Variants in PNISR observed in about 807,000 individuals in gnomAD.
PNISR encodes arginine/serine-rich protein PNISR.
Under a neutral mutation model 93.4 loss-of-function variants are expected in PNISR, and 20 were observed. The observed-to-expected ratio is 0.21, with a 90% confidence interval of 0.15 to 0.31. The LOEUF is 0.31. PNISR is among the 10% of genes least tolerant of loss of function. PNISR has a pLI of 1.00. For synonymous variants in PNISR, 305 were observed against 306.5 expected (o/e 0.99, Z 0.05); for missense variants, 893 against 985.4 (o/e 0.91, Z 1.25).
intron 9 of PNISR, 72 bp from the exon 10 acceptor site, chr6:99,403,954 G>A: frequency 9.4e-7 from 1 of 1,063,784 alleles, no homozygotes; most frequent in East Asian, 2.4e-5. Context: ...ATGAGTCTAT[G>A]GTATTGTTAA....
intron 9 of PNISR, 76 bp downstream of exon 9, chr6:99,404,524 GGAC>G (rs1562232579): frequency 3.8e-6 from 3 of 779,280 alleles, no homozygotes. Flanking sequence ...AATCCAACAA[GGAC>G]AACAAAAAAA....
Position 99,412,604 on chromosome 6 carries a change from T to A in PNISR, c.224A>T (p.Asn75Ile), listed in dbSNP as rs1434407284. ...QDMSTMESGP[N>I]NHGNFQGDSN... ...ATCCCCTTGGAAATTCCCATGATTG[T>A]TTGGACCAGATTCCATTGTAGACAT... Residue 75 changes from asparagine (N) to isoleucine (I), a missense_variant, in exon 4 of 12, where the codon AAC becomes ATC. Asn to Ile is a moderately radical substitution (Grantham distance 149, BLOSUM62 -3). This residue lies in a region of PNISR where 866 missense variants were observed against 935.1 expected (regional missense o/e 0.93). Transcript: ENST00000369239. 3.7e-6 allele frequency: 6 copies of A among 1,609,922 alleles called. No individual in the cohort carries two copies. Among genetic ancestry groups the A allele is most frequent in the South Asian group, 1.1e-5 (1 of 89,786 alleles).
chr6:99,402,465 A>T (rs990664466), intron 11 of PNISR, 75 bp downstream of exon 11: 8 of 1,031,312 alleles, frequency 7.8e-6, no homozygotes, highest in Non-Finnish European at 1.1e-5. Flanking sequence ...TTATCCTTTG[A>T]TATTTTTAGG....
At position 99,400,697 on chromosome 6, in the gene PNISR, G is replaced by C; in HGVS notation, c.2261C>G (p.Ser754Cys). The C allele has an allele frequency of 6.2e-7, 1 of 1,613,298 alleles. No individual in the cohort carries two copies. The highest frequency in any genetic ancestry group is 8.5e-7 in the Non-Finnish European group (1 of 1,179,826). Residue 754 changes from serine to cysteine, a missense_variant, in exon 12 of 12, where the codon TCT becomes TGT. Around this residue, in one of 3 missense-constraint regions of PNISR, gnomAD observed 866 missense variants for 935.1 expected, o/e 0.93. Coordinates refer to ENST00000369239, the MANE Select transcript of PNISR (RefSeq NM_032870.4). The stretch of plus-strand genomic sequence containing the variant: ...AGAACTGCTCCTTCCACTAGAATCA[G>C]AGCCTGAATGTTTTTTACTATCTTT... ...TTKDSKKHSGSDSSGRSSSES... is the reference protein window; with the variant it reads ...TTKDSKKHSGCDSSGRSSSES...
Position 99,398,420 on chromosome 6 carries a change from CAT to C in PNISR, c.*2118_*2119del, listed in dbSNP as rs1426605903. Reference sequence around the variant, plus strand: ...CTCAAGGTAAATAAATACTATATCACATGTCAAGAAAATAAAGAATTCTCTAA... The same window carrying C: ...CTCAAGGTAAATAAATACTATATCACGTCAAGAAAATAAAGAATTCTCTAA... On this transcript the variant is annotated 3_prime_UTR_variant, in exon 12 of 12. Coordinates refer to ENST00000369239, the MANE Select transcript of PNISR (RefSeq NM_032870.4). 2.6e-5 allele frequency: 4 copies of C among 152,234 alleles called. No individual in the cohort carries two copies. The highest frequency in any genetic ancestry group is 4.1e-4 in the South Asian group (2 of 4,828). 9.4% of individuals were successfully genotyped at this position (152,234 alleles called of 1,614,324 possible). A position where few individuals can be genotyped will look rare whatever the true frequency, so the allele number is the denominator to read the frequency against.
chr6:99,400,839 G>A lies in PNISR; in HGVS notation c.2119C>T (p.Gln707Ter). ...REEKDFKFSS[Q>*]DDRLKRKRES... ...CGTTTCCTTTTTAATCTATCATCCTGACTACTGAACTTAAAATCTTTTTCT... is the reference window on the plus strand; with the variant it reads ...CGTTTCCTTTTTAATCTATCATCCTAACTACTGAACTTAAAATCTTTTTCT... Residue 707 changes from glutamine (Q) to a stop codon, truncating the protein, a stop_gained, in exon 12 of 12, where the codon CAG (glutamine) becomes TAG (stop). Transcript: ENST00000369239. LOFTEE classifies it high-confidence loss of function. 6.2e-7 allele frequency: 1 copy of A among 1,609,604 alleles called. No homozygotes were observed. The highest frequency in any genetic ancestry group is 8.5e-7 in the Non-Finnish European group (1 of 1,176,906).
intron 7 of PNISR, among the ~76,000 whole-genome samples, chr6:99,406,866 G>A (rs1254532428): frequency 6.6e-6 from 1 of 151,990 alleles, no homozygotes; most frequent in Non-Finnish European, 1.5e-5. Flanking sequence ...AAGACAAGAT[G>A]ACCACCTAAA....
chr6:99,408,190 T>C lies in PNISR; in HGVS notation c.755A>G (p.Glu252Gly). Residue 252 changes from glutamate (E) to glycine (G), a missense_variant, in exon 7 of 12, where the codon GAG becomes GGG. Transcript: ENST00000369239. ...KMEREKQKKLEKERMEQQRSQ... is the reference protein window; with the variant it reads ...KMEREKQKKLGKERMEQQRSQ... Reference sequence around the variant, plus strand: ...ACGTTGTTGTTCCATTCTTTCTTTCTCCAATTTCTTCTGCTTTTCACGTTC... The same window carrying C: ...ACGTTGTTGTTCCATTCTTTCTTTCCCCAATTTCTTCTGCTTTTCACGTTC... 1.2e-6 allele frequency: 2 copies of C among 1,613,526 alleles called. No individual in the cohort carries two copies. Among genetic ancestry groups the C allele is most frequent in the Admixed American group, 1.7e-5 (1 of 59,996 alleles).
chr6:99,406,713 G>C (rs1776196382), intron 7 of PNISR, among the ~76,000 whole-genome samples: 1 of 152,154 alleles, frequency 6.6e-6, no homozygotes, highest in Non-Finnish European at 1.5e-5. Flanking sequence ...AGATAAAAAT[G>C]AGGTCTACTT....
At chr6:99,401,988 C>T (rs1045372189) in intron 11 of PNISR, among the ~76,000 whole-genome samples, 6 of 152,106 alleles carry the variant, frequency 3.9e-5, no homozygotes, top group South Asian at 2.1e-4. Context: ...CCCTCCTGGA[C>T]AGTGTAGCAA....
Position 99,408,348 on chromosome 6 carries a change from T to C in PNISR, c.674-77A>G, listed in dbSNP as rs1776417434. 8.8e-6 allele frequency: 9 copies of C among 1,026,138 alleles called. No individual in the cohort carries two copies. The South Asian group carries it at 1.1e-4, about 12-fold the overall frequency. The allele number at this position is 1,026,138 out of a possible 1,614,324, so 63.6% of individuals were successfully genotyped here. A position where few individuals can be genotyped will look rare whatever the true frequency, so the allele number is the denominator to read the frequency against. Reference sequence around the variant, plus strand: ...CAAACTTGTGAGTAAATTTAAAAAATATCCCATTAAATATCATGCCTTTCT... The same window carrying C: ...CAAACTTGTGAGTAAATTTAAAAAACATCCCATTAAATATCATGCCTTTCT... On this transcript the variant is annotated intron_variant, in intron 6 of 11. Coordinates refer to ENST00000369239, the MANE Select transcript of PNISR (RefSeq NM_032870.4).
intron 4 of PNISR, chr6:99,411,790 G>GTTTT (rs1223091085): frequency 6.4e-5 from 9 of 141,074 alleles, no homozygotes; most frequent in African/African-American, 8.2e-5. Context: ...AAGTTTTAAG[G>GTTTT]TTTTTTTTTT....
At position 99,404,600 on chromosome 6, in the gene PNISR, T is replaced by C. The variant is rs1333782969; in HGVS notation, c.1102+3A>G. 2.0e-5 allele frequency: 30 copies of C among 1,533,518 alleles called. No homozygotes were observed. The highest frequency in any genetic ancestry group is 1.7e-4 in the Middle Eastern group (1 of 5,908). 95.0% of individuals were successfully genotyped at this position (1,533,518 alleles called of 1,614,324 possible). A position where few individuals can be genotyped will look rare whatever the true frequency, so the allele number is the denominator to read the frequency against. On this transcript the variant is annotated splice_donor_region_variant and intron_variant, in intron 9 of 11. Coordinates refer to ENST00000369239, the MANE Select transcript of PNISR (RefSeq NM_032870.4). ...AAGCAAAACCAGAAACACCAAAATATACCTTTCGTTGCTTTGCGGTGTGCA... is the reference window on the plus strand; with the variant it reads ...AAGCAAAACCAGAAACACCAAAATACACCTTTCGTTGCTTTGCGGTGTGCA...
intron 11 of PNISR, 69 bp from the exon 12 acceptor site, chr6:99,401,699 G>T: frequency 8.2e-7 from 1 of 1,222,846 alleles, no homozygotes; most frequent in Non-Finnish European, 1.1e-6. Flanking sequence ...CAAATGTCAA[G>T]CTACCAGACT....
In PNISR at chr6:99,408,217, A is replaced by AT. The variant is rs2128483866; in HGVS notation, c.727dup (p.Met243AsnfsTer4). ...CAATTTCTTCTGCTTTTCACGTTCC[A>AT]TTTTTTCAAGACCTTCGCGAATCCA... On this transcript the variant is annotated frameshift_variant, in exon 7 of 12. Coordinates refer to ENST00000369239, the MANE Select transcript of PNISR (RefSeq NM_032870.4). LOFTEE classifies it high-confidence loss of function. 1 of 1,612,304 alleles carries AT rather than the reference A, an allele frequency of 6.2e-7. No homozygotes were observed. The highest frequency in any genetic ancestry group is 2.2e-5 in the East Asian group (1 of 44,826).
chr6:99,409,628 C>T (rs566916624), intron 5 of PNISR: 13 of 269,276 alleles, frequency 4.8e-5, no homozygotes, highest in Middle Eastern at 1.2e-3. Flanking sequence ...ACAAGCTAAT[C>T]CTACCAACAC....
At chr6:99,415,568 C>T (rs901380871) in intron 2 of PNISR, 6 of 152,166 alleles carry the variant, frequency 3.9e-5, no homozygotes, top group African/African-American at 1.4e-4. Flanking sequence ...AAAAGTCTTA[C>T]AAGTCTAATA....
intron 1 of PNISR, among the ~76,000 whole-genome samples, chr6:99,423,085 C>G (rs1262151620): frequency 6.6e-6 from 1 of 150,826 alleles, no homozygotes; most frequent in South Asian, 2.1e-4. Context: ...TCTAGGACTG[C>G]GACAGGAAAT....
intron 1 of PNISR, among the ~76,000 whole-genome samples, chr6:99,418,976 C>T (rs922379890): frequency 6.6e-6 from 1 of 151,598 alleles, no homozygotes; most frequent in Admixed American, 6.6e-5. Context: ...CGGTGAAACC[C>T]GTCTCTATTA....
Sources: gnomAD v4.1 joint callset for allele counts (sites outside exome capture counted in the v4.1 genomes callset) on GRCh38, gnomAD v4.1.1 for gene constraint, gnomAD v4.1.1 regional missense constraint, MANE v1.5 for transcripts, NCBI Gene and HGNC (gene_info 2026-07-23, HGNC 2026-07-21) for gene names.